Variants in CELSR1 observed in about 807,000 individuals in gnomAD.
The protein encoded by CELSR1 is adhesion G protein-coupled receptor C1.
Under a neutral mutation model 249.1 loss-of-function variants are expected in CELSR1, and 110 were observed. The observed-to-expected ratio is 0.44, with a 90% CI of 0.38 to 0.52. CELSR1 has a LOEUF of 0.52. Among genes scored for constraint, CELSR1 ranks in the 20% least tolerant of loss-of-function variants. The probability of loss-of-function intolerance (pLI) is 0.00; values close to 1 mark genes in which losing one functional copy is unlikely to be tolerated. For synonymous variants in CELSR1, 2,113 were observed against 1,900.0 expected (o/e 1.11, Z -2.92); for missense variants, 4,109 against 4,296.4 (o/e 0.96, Z 1.22).
chr22:46,382,168 G>T, intron 20 of CELSR1, 118 bp from the exon 21 acceptor site: 1 of 963,376 alleles, frequency 1.0e-6, no homozygotes, highest in Non-Finnish European at 1.5e-6. Flanking sequence ...AAACAGTACC[G>T]TGGGTCCCCA....
Position 46,364,135 on chromosome 22 carries a change from T to A in CELSR1, c.8896A>T (p.Thr2966Ser). 3.7e-6 allele frequency: 6 copies of A among 1,607,554 alleles called. No individual in the cohort carries two copies. The highest frequency in any genetic ancestry group is 4.2e-6 in the Non-Finnish European group (5 of 1,179,536). ...GGGCCGCCAGAGCCCAGGGAAGACG[T>A]GCGCGAGGATGTGGGGCTCTGCTCA... Reference protein sequence around the residue: ...DCEQSPTSSRTSSLGSGGPDC... With the variant: ...DCEQSPTSSRSSSLGSGGPDC... The change falls in exon 34 of 35, where the codon ACG becomes TCG. Residue 2966 changes from threonine to serine, a missense_variant. Thr to Ser is a moderately conservative substitution (Grantham distance 58). Around this residue, in one of 7 missense-constraint regions of CELSR1, gnomAD observed 1,805 missense variants for 1,831.6 expected, o/e 0.99. Transcript: ENST00000674500.
Position 46,468,454 on chromosome 22 carries a change from C to A in CELSR1, c.3545-4109G>T, listed in dbSNP as rs149164476. 1.5e-3 allele frequency among the ~76,000 whole-genome samples: 230 copies of A among 151,950 alleles called. 1 individual carries two copies. Among genetic ancestry groups the A allele is most frequent in the African/African-American group, 5.2e-3 (215 of 41,410 alleles). On this transcript the variant is annotated intron_variant, in intron 1 of 34. Coordinates refer to ENST00000674500, the MANE Select transcript of CELSR1 (RefSeq NM_001378328.1). The surrounding 1 kb of genome is among the most constrained non-coding windows in gnomAD (Gnocchi z 4.5). ...TCCAGCCTTAAAAAGGGAGGAAATT[C>A]TGACACACGCTACAACATGGATGTA...
intron 1 of CELSR1, chr22:46,481,396 T>TC (rs2080264884): frequency 1.7e-6 from 2 of 1,162,896 alleles, no homozygotes; most frequent in Middle Eastern, 2.0e-4. Context: ...CATGTGGTCA[T>TC]CCACACACTT....
chr22:46,362,561 A>G lies in CELSR1; in HGVS notation c.*662T>C, dbSNP rs915874807. On this transcript the variant is annotated 3_prime_UTR_variant, in exon 35 of 35. Transcript: ENST00000674500. Reference sequence around the variant, plus strand: ...ATCTGCTGGGGCACCAGTTTCGTCAACACATGCCAGATTCAAGTACAACTG... The same window carrying G: ...ATCTGCTGGGGCACCAGTTTCGTCAGCACATGCCAGATTCAAGTACAACTG... 1 of 152,614 alleles carries G rather than the reference A, an allele frequency of 6.6e-6. No homozygotes were observed. Among genetic ancestry groups the G allele is most frequent in the Non-Finnish European group, 1.5e-5 (1 of 68,114 alleles). 9.5% of individuals were successfully genotyped at this position (152,614 alleles called of 1,614,324 possible).
intron 1 of CELSR1, among the ~76,000 whole-genome samples, chr22:46,494,251 T>A (rs1356707443): frequency 6.6e-6 from 1 of 152,194 alleles, no homozygotes; most frequent in Non-Finnish European, 1.5e-5. Flanking sequence ...AGCCTTGACA[T>A]CCAGCCAACC....
chr22:46,376,074 C>T (rs926553273), intron 24 of CELSR1, among the ~76,000 whole-genome samples: 2 of 152,232 alleles, frequency 1.3e-5, no homozygotes, highest in Non-Finnish European at 2.9e-5. Context: ...ATTGCAACTG[C>T]AGGTTTTCTG....
intron 2 of CELSR1, among the ~76,000 whole-genome samples, chr22:46,459,330 C>T (rs958558897): frequency 2.0e-5 from 3 of 152,150 alleles, no homozygotes; most frequent in Non-Finnish European, 4.4e-5. Flanking sequence ...GAAGGAACAG[C>T]GGCCTCCCAG....
intron 2 of CELSR1, among the ~76,000 whole-genome samples, chr22:46,442,159 C>G (rs1400134606): frequency 6.6e-6 from 1 of 152,086 alleles, no homozygotes; most frequent in African/African-American, 2.4e-5. Flanking sequence ...AAACAAACAA[C>G]AAGAAAAAAA....
rs2079343665 is a variant in CELSR1 at position 46,412,068 on chromosome 22, T to C, written c.4612-309A>G. Among the ~76,000 whole-genome samples the C allele has an allele frequency of 6.6e-6, 1 of 152,158 alleles. No individual in the cohort carries two copies. Among genetic ancestry groups the C allele is most frequent in the Non-Finnish European group, 1.5e-5 (1 of 68,018 alleles). Reference sequence around the variant, plus strand: ...CTGATCCAAGATGACTGGTGTCCTCTTAAGAGGACAGATGCTGAGATGCAA... The same window carrying C: ...CTGATCCAAGATGACTGGTGTCCTCCTAAGAGGACAGATGCTGAGATGCAA... On this transcript the variant is annotated intron_variant, in intron 5 of 34. Transcript: ENST00000674500. The surrounding 1 kb of genome is among the most constrained non-coding windows in gnomAD (Gnocchi z 4.5).
chr22:46,421,249 G>C (rs1055834908), intron 5 of CELSR1, among the ~76,000 whole-genome samples: 2 of 152,178 alleles, frequency 1.3e-5, no homozygotes, highest in Non-Finnish European at 2.9e-5. Context: ...AGAGAGGGGA[G>C]GGAGGCAGCC....
At position 46,363,084 on chromosome 22, in the gene CELSR1, A is replaced by ACATTCTGGGCC; in HGVS notation, c.*138_*139insGGCCCAGAATG. The ACATTCTGGGCC allele has an allele frequency of 6.3e-7, 1 of 1,578,342 alleles. No homozygotes were observed. Among genetic ancestry groups the ACATTCTGGGCC allele is most frequent in the Non-Finnish European group, 8.7e-7 (1 of 1,150,590 alleles). On this transcript the variant is annotated 3_prime_UTR_variant, in exon 35 of 35. Transcript: ENST00000674500. This position sits in a 1 kb window ranked among gnomAD's most constrained non-coding sequence, Gnocchi z 4.3. ...GGGGGCTGCCACCATGGGGACCGCC[A>ACATTCTGGGCC]CACTCTGGGCCCACTCCACTTCAAG...
Position 46,399,981 on chromosome 22 carries a change from G to C in CELSR1, c.5227-79C>G. ...AACATTTTGCAGTCACTTAAACAAGGAAGCTGTGAAAGGAGACTGATTATG... is the reference window on the plus strand; with the variant it reads ...AACATTTTGCAGTCACTTAAACAAGCAAGCTGTGAAAGGAGACTGATTATG... On this transcript the variant is annotated intron_variant, in intron 9 of 34. Transcript: ENST00000674500. This position sits in a 1 kb window ranked among gnomAD's most constrained non-coding sequence, Gnocchi z 5.0. 7.0e-7 allele frequency: 1 copy of C among 1,437,990 alleles called. No homozygotes were observed. The highest frequency in any genetic ancestry group is 9.5e-7 in the Non-Finnish European group (1 of 1,047,530). The allele number at this position is 1,437,990 out of a possible 1,614,324, so 89.1% of individuals were successfully genotyped here.
chr22:46,462,319 G>A (rs547612808), intron 2 of CELSR1, among the ~76,000 whole-genome samples: 3 of 152,290 alleles, frequency 2.0e-5, no homozygotes, highest in East Asian at 1.9e-4. Context: ...AACCTGGAGC[G>A]CAGGAAGTCA....
At chr22:46,368,849 C>T (rs1419715489) in intron 27 of CELSR1, among the ~76,000 whole-genome samples, 1 of 152,096 alleles carries the variant, frequency 6.6e-6, no homozygotes, top group Non-Finnish European at 1.5e-5. Context: ...CAGAAAGTTT[C>T]ATCTCCCCCA....
chr22:46,373,197 G>T, intron 24 of CELSR1, 140 bp from the exon 25 acceptor site: 2 of 926,398 alleles, frequency 2.2e-6, no homozygotes, highest in Non-Finnish European at 3.1e-6. Flanking sequence ...AGGGCTACAT[G>T]TCTGGCCAAT....
At position 46,472,441 on chromosome 22, in the gene CELSR1, G is replaced by GT. The variant is rs1281449454; in HGVS notation, c.3545-8097dup. Among the ~76,000 whole-genome samples, 1 of 152,210 alleles carries GT rather than the reference G, an allele frequency of 6.6e-6. No homozygotes were observed. The highest frequency in any genetic ancestry group is 1.5e-5 in the Non-Finnish European group (1 of 68,044). ...GACAGTGCCGCAGTTCCGAGACTCG[G>GT]TGGCAGGTGATTGGCGGCTGTGGGT... On this transcript the variant is annotated intron_variant, in intron 1 of 34. Transcript: ENST00000674500. The surrounding 1 kb of genome is among the most constrained non-coding windows in gnomAD (Gnocchi z 7.0).
intron 1 of CELSR1, among the ~76,000 whole-genome samples, chr22:46,531,122 A>G (rs909702944): frequency 2.0e-5 from 3 of 152,218 alleles, no homozygotes; most frequent in African/African-American, 7.2e-5. Context: ...CTTATAGTCA[A>G]TAGTGATTTA....
At chr22:46,377,889 G>A (rs2078936035) in intron 23 of CELSR1, among the ~76,000 whole-genome samples, 1 of 152,198 alleles carries the variant, frequency 6.6e-6, no homozygotes, top group South Asian at 2.1e-4. Context: ...AAGGACAGTG[G>A]CCTGGGCCCT....
chr22:46,519,990 C>T (rs2080668788), intron 1 of CELSR1, among the ~76,000 whole-genome samples: 1 of 151,758 alleles, frequency 6.6e-6, no homozygotes, highest in African/African-American at 2.4e-5. Context: ...TCCTGCCTTA[C>T]CCACCCGAGT....
Sources: allele counts gnomAD v4.1 joint callset (sites outside exome capture counted in the v4.1 genomes callset), GRCh38; gene constraint gnomAD v4.1.1; regional missense constraint gnomAD v4.1.1; non-coding constraint Gnocchi (gnomAD v3.1); transcripts MANE v1.5; gene names NCBI Gene and HGNC (gene_info 2026-07-23, HGNC 2026-07-21).